CSMD1: variants seen among roughly 807,000 people sequenced by gnomAD.
CSMD1 encodes the protein CUB and Sushi multiple domains 1.
A neutral mutation model predicts 417.5 loss-of-function variants in CSMD1; 213 were observed. The observed-to-expected ratio is 0.51, with a 90% CI of 0.46 to 0.57. The LOEUF (loss-of-function observed/expected upper bound fraction) is 0.57, where lower values mean the gene tolerates loss of function less well. CSMD1 is among the 20% of genes least tolerant of loss of function. The probability of loss-of-function intolerance (pLI) is 0.00; values close to 1 mark genes in which losing one functional copy is unlikely to be tolerated. For synonymous variants in CSMD1, 2,862 were observed against 1,736.8 expected, an observed-to-expected ratio of 1.65 and a Z score of -16.11; for missense variants, 6,923 against 4,529.7, an observed-to-expected ratio of 1.53 and a Z score of -15.17.
At chr8:3,256,604 T>C (rs1045390181) in intron 26 of CSMD1, among the ~76,000 whole-genome samples, 4 of 152,234 alleles carry the variant, frequency 2.6e-5, no homozygotes, top group Non-Finnish European at 1.5e-5. Context: ...ACACTGGCTG[T>C]TTCTTACTTT....
intron 7 of CSMD1, among the ~76,000 whole-genome samples, chr8:3,659,628 G>T (rs944349552): frequency 6.6e-6 from 1 of 152,122 alleles, no homozygotes; most frequent in African/African-American, 2.4e-5. Context: ...GAGGAGAAGG[G>T]TAGTGGTGAT....
chr8:4,624,113 C>G (rs554937710), intron 2 of CSMD1, among the ~76,000 whole-genome samples: 11 of 152,104 alleles, frequency 7.2e-5, no homozygotes, highest in Admixed American at 4.6e-4. Context: ...ACTGGGCTCT[C>G]TGTATACCAA....
chr8:4,457,848 G>A (rs780076216), intron 2 of CSMD1, among the ~76,000 whole-genome samples: 1 of 151,984 alleles, frequency 6.6e-6, no homozygotes, highest in African/African-American at 2.4e-5. Context: ...AGTGACTTCC[G>A]AGGCTTGGCA....
At chr8:3,680,598 T>C (rs866560735) in intron 7 of CSMD1, among the ~76,000 whole-genome samples, 1 of 152,202 alleles carries the variant, frequency 6.6e-6, no homozygotes, top group South Asian at 2.1e-4. Flanking sequence ...AGCCGATTTC[T>C]ATCAGACGTA....
chr8:3,720,991 T>C (rs939347835), intron 6 of CSMD1, among the ~76,000 whole-genome samples: 1 of 151,982 alleles, frequency 6.6e-6, no homozygotes, highest in African/African-American at 2.4e-5. Context: ...AATTTATTTT[T>C]TTTGTATTTT....
At chr8:3,627,489 T>C (rs1796552962) in intron 7 of CSMD1, among the ~76,000 whole-genome samples, 1 of 152,204 alleles carries the variant, frequency 6.6e-6, no homozygotes, top group Non-Finnish European at 1.5e-5. Flanking sequence ...ATTATTTTTA[T>C]TTATATAACC....
intron 3 of CSMD1, among the ~76,000 whole-genome samples, chr8:4,179,502 C>G (rs1159190659): frequency 1.3e-5 from 2 of 150,780 alleles, no homozygotes; most frequent in Admixed American, 6.6e-5. Flanking sequence ...CATTACCATT[C>G]AGGACGTAGG....
At chr8:3,624,257 C>T (rs1796390778) in intron 7 of CSMD1, among the ~76,000 whole-genome samples, 2 of 152,092 alleles carry the variant, frequency 1.3e-5, no homozygotes, top group Admixed American at 1.3e-4. Flanking sequence ...TAGTCCAAAC[C>T]ATCTGTTAGC....
rs149587005 is a variant in CSMD1 at position 4,173,923 on chromosome 8, G to C, written c.416-141824C>G. Among the ~76,000 whole-genome samples the C allele has an allele frequency of 3.8e-3, 578 of 152,208 alleles. 4 individuals are homozygous for C. The highest frequency in any genetic ancestry group is 0.014 in the African/African-American group (561 of 41,492). ...GCTCAGTACACATGGCTCAGGGTATGAACTAGCTTCTTCCCTCAGCCTTGA... is the reference window on the plus strand; with the variant it reads ...GCTCAGTACACATGGCTCAGGGTATCAACTAGCTTCTTCCCTCAGCCTTGA... On this transcript the variant is annotated intron_variant, in intron 3 of 69. Transcript: ENST00000635120.
At chr8:4,013,357 T>A (rs1008978891) in intron 4 of CSMD1, among the ~76,000 whole-genome samples, 1 of 152,140 alleles carries the variant, frequency 6.6e-6, no homozygotes, top group Non-Finnish European at 1.5e-5. Flanking sequence ...ACCTGGTTGA[T>A]CCCTCTGTCA....
At chr8:3,888,729 G>C (rs1324682880) in intron 5 of CSMD1, among the ~76,000 whole-genome samples, 2 of 152,120 alleles carry the variant, frequency 1.3e-5, no homozygotes, top group Non-Finnish European at 2.9e-5. Flanking sequence ...ACCTTATTGA[G>C]TCCCAGTCTC....
intron 3 of CSMD1, among the ~76,000 whole-genome samples, chr8:4,409,836 CAG>C (rs1195661317): frequency 1.3e-5 from 2 of 152,032 alleles, no homozygotes; most frequent in Non-Finnish European, 2.9e-5. Flanking sequence ...GTCTTTGAGA[CAG>C]AGTCTCACTC....
chr8:3,382,491 A>AT (rs1810696166), intron 18 of CSMD1, among the ~76,000 whole-genome samples: 1 of 143,894 alleles, frequency 6.9e-6, no homozygotes, highest in Admixed American at 7.2e-5. Context: ...ATATTTAATT[A>AT]GTTATGTATA....
chr8:4,549,896 C>CAAAAAAAAAAAA (rs777040766), intron 2 of CSMD1, among the ~76,000 whole-genome samples: 17 of 88,642 alleles, frequency 1.9e-4, no homozygotes, highest in African/African-American at 5.1e-4. Flanking sequence ...GACTTTGTCT[C>CAAAAAAAAAAAA]AAAAAAAAAA....
At chr8:4,528,377 C>CCAAG (rs1432592697) in intron 2 of CSMD1, among the ~76,000 whole-genome samples, 1 of 152,124 alleles carries the variant, frequency 6.6e-6, no homozygotes, top group Non-Finnish European at 1.5e-5. Flanking sequence ...TTCCAAGACT[C>CCAAG]TCAATCATGC....
chr8:4,060,259 ACT>A (rs1336673296), intron 3 of CSMD1, among the ~76,000 whole-genome samples: 1 of 151,996 alleles, frequency 6.6e-6, no homozygotes, highest in Non-Finnish European at 1.5e-5. Flanking sequence ...CATGCTAAAA[ACT>A]CTCAATAAAT....
At chr8:3,830,935 A>T (rs1024004979) in intron 5 of CSMD1, among the ~76,000 whole-genome samples, 6 of 152,070 alleles carry the variant, frequency 3.9e-5, no homozygotes, top group Non-Finnish European at 8.8e-5. Context: ...ATTATTTCTT[A>T]AGTTCTTTCT....
intron 2 of CSMD1, among the ~76,000 whole-genome samples, chr8:4,472,713 T>C (rs1456100193): frequency 6.6e-6 from 1 of 152,032 alleles, no homozygotes; most frequent in Non-Finnish European, 1.5e-5. Flanking sequence ...ATATTAGGTG[T>C]AAACAGCACT....
intron 3 of CSMD1, among the ~76,000 whole-genome samples, chr8:4,033,247 T>C (rs1797446612): frequency 6.6e-6 from 1 of 150,458 alleles, no homozygotes; most frequent in South Asian, 2.1e-4. Flanking sequence ...GAGACCATCC[T>C]GGCTAACACG....
Sources: gnomAD v4.1 joint callset for allele counts (sites outside exome capture counted in the v4.1 genomes callset) on GRCh38, gnomAD v4.1.1 for gene constraint, MANE v1.5 for transcripts, NCBI Gene and HGNC (gene_info 2026-07-23, HGNC 2026-07-21) for gene names.